Variants in CRIP1 observed in about 807,000 individuals in gnomAD.
CRIP1 encodes the protein cysteine rich protein 1.
Under a neutral mutation model 12.9 loss-of-function variants are expected in CRIP1, and 11 were observed. The observed-to-expected ratio is 0.86, with a 90% CI of 0.54 to 1.42. The LOEUF is 1.42. CRIP1 is among the 40% of genes most tolerant of loss of function. CRIP1 has a pLI of 0.00. For missense variants in CRIP1, 122 were observed against 101.3 expected (o/e 1.20, Z -0.88); for synonymous variants, 41 against 37.2 (o/e 1.10, Z -0.37).
intron 1 of CRIP1, 32 bp from the exon 2 acceptor site, chr14:105,487,167 T>A (rs1214324321): frequency 8.0e-6 from 12 of 1,500,520 alleles, no homozygotes; most frequent in Non-Finnish European, 1.1e-5. Flanking sequence ...CCGGGGTCCC[T>A]GAAAGGCGCG....
rs144550612 is a variant in CRIP1 at position 105,488,485 on chromosome 14, G to A, written c.208G>A (p.Gly70Arg). The change falls in exon 5 of 6, where the codon GGA becomes AGA. Residue 70 changes from glycine to arginine, a missense_variant. Coordinates refer to ENST00000392531, the MANE Select transcript of CRIP1 (RefSeq NM_001311.5). ...MFGPKGFGRG[G>R]AESHTFK ...CTTCTCTGCAGGCTTTGGGCGGGGC[G>A]GAGCCGAGAGCCACACTTTCAAGTA... The A allele has an allele frequency of 1.2e-5, 20 of 1,605,220 alleles. No homozygotes were observed. The highest frequency in any genetic ancestry group is 8.1e-5 in the African/African-American group (6 of 74,292).
Position 105,488,863 on chromosome 14 carries a change from G to A in CRIP1, c.*206G>A. ...CAGTGGGGTCCTGGCAGCAGGCTCT[G>A]CCACCGGCGCCTGCTCTTCTGCTGC... On this transcript the variant is annotated 3_prime_UTR_variant, in exon 6 of 6. Transcript: ENST00000392531. The A allele has an allele frequency of 3.1e-6, 1 of 318,228 alleles. No individual in the cohort carries two copies. Among genetic ancestry groups the A allele is most frequent in the East Asian group, 5.2e-5 (1 of 19,086 alleles). The allele number at this position is 318,228 out of a possible 1,614,324, so 19.7% of individuals were successfully genotyped here. A position where few individuals can be genotyped will look rare whatever the true frequency, so the allele number is the denominator to read the frequency against.
intron 5 of CRIP1, 38 bp from the exon 6 acceptor site, chr14:105,488,625 C>T (rs782132838): frequency 4.3e-5 from 49 of 1,137,970 alleles, no homozygotes; most frequent in Admixed American, 3.4e-4. Flanking sequence ...AGGCCGTGGA[C>T]GCTGCACTCA....
At chr14:105,487,510 T>C (rs2084132343) in intron 2 of CRIP1, 1 of 526,766 alleles carries the variant, frequency 1.9e-6, no homozygotes. Context: ...GGTCTTGCTG[T>C]GCTCGGCGGG....
intron 1 of CRIP1, 34 bp downstream of exon 1, chr14:105,487,006 C>G (rs1196192112): frequency 1.1e-5 from 14 of 1,314,334 alleles, no homozygotes; most frequent in Middle Eastern, 2.9e-4. Context: ...CCCCCGCGCT[C>G]CGTCCTCAGT....
At position 105,488,148 on chromosome 14, in the gene CRIP1, C is replaced by T; in HGVS notation, c.41-18C>T. The stretch of plus-strand genomic sequence containing the variant: ...GCGTCCTGCAGCGTCTCACCGGGGC[C>T]TGTCTGTGCCTCTGCAGCCGAGAGG... On this transcript the variant is annotated intron_variant, in intron 2 of 5. Transcript: ENST00000392531. 1.9e-6 allele frequency: 3 copies of T among 1,609,664 alleles called. No homozygotes were observed. Among genetic ancestry groups the T allele is most frequent in the Non-Finnish European group, 8.5e-7 (1 of 1,178,640 alleles).
rs1555438437 is a variant in CRIP1, at chr14:105,488,210, C to G, written c.85C>G (p.Leu29Val). The change falls in exon 3 of 6, where the codon CTG becomes GTG. Residue 29 changes from leucine (L) to valine (V), a missense_variant. Physicochemically the swap from Leu to Val is conservative, Grantham distance 32 (BLOSUM62 1). Coordinates refer to ENST00000392531, the MANE Select transcript of CRIP1 (RefSeq NM_001311.5). ...SLGKDWHRPC[L>V]KCEKCGKTLT... ...GGGCAAGGACTGGCATCGGCCCTGC[C>G]TGAAGTGCGAGAAATGTGGGAAGAC... The G allele has an allele frequency of 6.2e-7, 1 of 1,613,336 alleles. No homozygotes were observed. The highest frequency in any genetic ancestry group is 2.2e-5 in the East Asian group (1 of 44,876).
At chr14:105,487,375 C>A in intron 2 of CRIP1, 76 bp downstream of exon 2, 1 of 1,361,320 alleles carries the variant, frequency 7.3e-7, no homozygotes, top group South Asian at 1.3e-5. Flanking sequence ...TCAGGAGGAC[C>A]GGGGGCGCTG....
chr14:105,487,657 A>C, intron 2 of CRIP1: 3 of 228,310 alleles, frequency 1.3e-5, no homozygotes, highest in Non-Finnish European at 2.5e-5. Context: ...GCTAAGTGGA[A>C]ACAGACGCGG....
Position 105,487,294 on chromosome 14 carries a change from A to C in CRIP1, c.35A>C (p.Tyr12Ser). Residue 12 changes from tyrosine (Y) to serine (S), a missense_variant, in exon 2 of 6, where the codon TAC becomes TCC. Physicochemically the swap from Tyr to Ser is moderately radical, Grantham distance 144. Coordinates refer to ENST00000392531, the MANE Select transcript of CRIP1 (RefSeq NM_001311.5). ...PKCPKCNKEV[Y>S]FAERVTSLGK... ...TGTCCCAAGTGCAACAAGGAGGTGT[A>C]CTTCGGTGAGCGCGCCCACACCGGC... The C allele has an allele frequency of 6.5e-7, 1 of 1,543,276 alleles. No homozygotes were observed. The highest frequency in any genetic ancestry group is 8.7e-7 in the Non-Finnish European group (1 of 1,144,050).
Position 105,487,255 on chromosome 14 carries a change from C to T in CRIP1, c.-5C>T. ...GCTGCCGCCTGCACCGGACCCGGAGCCGTCATGCCCAAGTGTCCCAAGTGC... is the reference window on the plus strand; with the variant it reads ...GCTGCCGCCTGCACCGGACCCGGAGTCGTCATGCCCAAGTGTCCCAAGTGC... On this transcript the variant is annotated 5_prime_UTR_variant, in exon 2 of 6. Transcript: ENST00000392531. 6.5e-7 allele frequency: 1 copy of T among 1,544,060 alleles called. No homozygotes were observed. The highest frequency in any genetic ancestry group is 8.7e-7 in the Non-Finnish European group (1 of 1,144,524).
At position 105,488,759 on chromosome 14, in the gene CRIP1, A is replaced by C; in HGVS notation, c.*102A>C. On this transcript the variant is annotated 3_prime_UTR_variant, in exon 6 of 6. Coordinates refer to ENST00000392531, the MANE Select transcript of CRIP1 (RefSeq NM_001311.5). Reference sequence around the variant, plus strand: ...GCCCAGGGCTCCCTTGTTGCCCCTAATGCTCTCAGTAAACCTGAACACTTG... The same window carrying C: ...GCCCAGGGCTCCCTTGTTGCCCCTACTGCTCTCAGTAAACCTGAACACTTG... 1 of 578,856 alleles carries C rather than the reference A, an allele frequency of 1.7e-6. No individual in the cohort carries two copies. Among genetic ancestry groups the C allele is most frequent in the Non-Finnish European group, 3.1e-6 (1 of 324,512 alleles). 35.9% of individuals were successfully genotyped at this position (578,856 alleles called of 1,614,324 possible). A position where few individuals can be genotyped will look rare whatever the true frequency, so the allele number is the denominator to read the frequency against.
chr14:105,487,588 C>T (rs2141772541), intron 2 of CRIP1: 2 of 374,424 alleles, frequency 5.3e-6, no homozygotes, highest in East Asian at 4.4e-5. Context: ...TCAGGCGCGC[C>T]CTGAGTGGGG....
chr14:105,487,528 T>G, intron 2 of CRIP1: 1 of 505,924 alleles, frequency 2.0e-6, no homozygotes, highest in Non-Finnish European at 3.5e-6. Context: ...GGGCTACCTC[T>G]GGCTCTGAGC....
In CRIP1 at chr14:105,487,239, T is replaced by C. The variant is rs1043300541; in HGVS notation, c.-21T>C. 2.1e-5 allele frequency: 32 copies of C among 1,543,290 alleles called. No individual in the cohort carries two copies. The Middle Eastern group carries it at 1.5e-3, about 71-fold the overall frequency. On this transcript the variant is annotated 5_prime_UTR_variant, in exon 2 of 6. Coordinates refer to ENST00000392531, the MANE Select transcript of CRIP1 (RefSeq NM_001311.5). The stretch of plus-strand genomic sequence containing the variant: ...CCGTGCCGCCCCAGCCGCTGCCGCC[T>C]GCACCGGACCCGGAGCCGTCATGCC...
At position 105,488,368 on chromosome 14, in the gene CRIP1, C is replaced by CGT. The variant is rs1403338431; in HGVS notation, c.173_174insGT (p.Ala59Ter). Reference sequence around the variant, plus strand: ...CCCTACTGCAACCACCCCTGCTACGCAGCCATGTTTGGGCCTAAAGGTATG... The same window carrying CGT: ...CCCTACTGCAACCACCCCTGCTACGCGTAGCCATGTTTGGGCCTAAAGGTATG... On this transcript the variant is annotated frameshift_variant, in exon 4 of 6. Coordinates refer to ENST00000392531, the MANE Select transcript of CRIP1 (RefSeq NM_001311.5). LOFTEE classifies it high-confidence loss of function. The CGT allele has an allele frequency of 3.1e-6, 5 of 1,613,170 alleles. No individual in the cohort carries two copies. The highest frequency in any genetic ancestry group is 4.2e-6 in the Non-Finnish European group (5 of 1,179,918).
chr14:105,487,905 AG>A, intron 2 of CRIP1: 2 of 518,134 alleles, frequency 3.9e-6, no homozygotes, highest in Non-Finnish European at 7.0e-6. Flanking sequence ...CCCAGCCTTC[AG>A]GAGCAAGATT....
chr14:105,487,007 C>T (rs1341182447), intron 1 of CRIP1, 35 bp downstream of exon 1: 3 of 1,312,850 alleles, frequency 2.3e-6, no homozygotes, highest in Admixed American at 7.5e-5. Context: ...CCCCGCGCTC[C>T]GTCCTCAGTC....
chr14:105,488,937 C>T lies in CRIP1; in HGVS notation c.*280C>T, dbSNP rs1385226452. 2 of 210,294 alleles carry T rather than the reference C, an allele frequency of 9.5e-6. No homozygotes were observed. Among genetic ancestry groups the T allele is most frequent in the African/African-American group, 4.6e-5 (2 of 43,626 alleles). 13.0% of individuals were successfully genotyped at this position (210,294 alleles called of 1,614,324 possible). A position where few individuals can be genotyped will look rare whatever the true frequency, so the allele number is the denominator to read the frequency against. On this transcript the variant is annotated 3_prime_UTR_variant, in exon 6 of 6. Coordinates refer to ENST00000392531, the MANE Select transcript of CRIP1 (RefSeq NM_001311.5). ...TTCCAGGGTCTCATAGGCGAGGGCT[C>T]CCTGTGCAGGGTGAGTCCAGGCCAC...
Sources: gnomAD v4.1 joint callset for allele counts on GRCh38, gnomAD v4.1.1 for gene constraint, MANE v1.5 for transcripts, NCBI Gene and HGNC (gene_info 2026-07-23, HGNC 2026-07-21) for gene names.